The following FAM107A variants were observed in gnomAD, a reference collection of about 807,000 sequenced individuals.
FAM107A encodes actin-associated protein FAM107A.
FAM107A carries 19 observed loss-of-function variants against 13.7 expected under a neutral mutation model. The ratio of observed to expected loss-of-function variants is 1.38; its 90% CI spans 0.97 to 2.03. The LOEUF (loss-of-function observed/expected upper bound fraction) is 2.03. FAM107A is among the 30% of genes most tolerant of loss of function. The pLI is 0.00. For missense variants in FAM107A, 203 were observed against 184.4 expected (o/e 1.10, Z -0.58); for synonymous variants, 82 against 74.5 (o/e 1.10, Z -0.52).
At chr3:58,574,397 A>G (rs1038785577) in intron 1 of FAM107A, 3 of 152,176 alleles carry the variant, frequency 2.0e-5, no homozygotes, top group Non-Finnish European at 4.4e-5. Context: ...GAGTCAGCCA[A>G]CTTTGCAAAC....
chr3:58,568,147 G>C (rs934142524), intron 2 of FAM107A, among the ~76,000 whole-genome samples: 1 of 151,376 alleles, frequency 6.6e-6, no homozygotes, highest in African/African-American at 2.4e-5. Context: ...CATTGTAAGA[G>C]ATCTGGGCCA....
intron 1 of FAM107A, among the ~76,000 whole-genome samples, chr3:58,618,104 A>ATC (rs2065920533): frequency 6.6e-6 from 1 of 152,202 alleles, no homozygotes; most frequent in Non-Finnish European, 1.5e-5. Flanking sequence ...ATTCTTATTT[A>ATC]TCTTCAGGAA....
rs2063607675 is a variant in FAM107A, at chr3:58,565,201, T to G, written c.*1387A>C. ...ATGGGATAGGAGCAAAAGGTTAAAA[T>G]ATGTGGGTCTCACACAGGAAAGGCC... On this transcript the variant is annotated 3_prime_UTR_variant, in exon 4 of 4. Coordinates refer to ENST00000360997, the MANE Select transcript of FAM107A (RefSeq NM_001076778.3). 6.6e-6 allele frequency: 1 copy of G among 152,096 alleles called. No homozygotes were observed. Among genetic ancestry groups the G allele is most frequent in the South Asian group, 2.1e-4 (1 of 4,824 alleles). 9.4% of individuals were successfully genotyped at this position (152,096 alleles called of 1,614,324 possible).
chr3:58,626,981 T>C (rs763887740), intron 1 of FAM107A: 1 of 1,535,900 alleles, frequency 6.5e-7, no homozygotes, highest in Middle Eastern at 1.7e-4. Context: ...CTTCTTCCCC[T>C]GGGCTGCTCC....
At chr3:58,586,068 T>C (rs2065602543) in intron 1 of FAM107A, among the ~76,000 whole-genome samples, 1 of 152,224 alleles carries the variant, frequency 6.6e-6, no homozygotes, top group Non-Finnish European at 1.5e-5. Flanking sequence ...GTTGCTCTCC[T>C]AGATCTGCCT....
chr3:58,581,986 G>C (rs2065551177), upstream of FAM107A, among the ~76,000 whole-genome samples: 1 of 152,318 alleles, frequency 6.6e-6, no homozygotes, highest in Admixed American at 6.5e-5. Context: ...GAGGATGTGA[G>C]AGGGAGCATG....
chr3:58,569,939 G>A lies in FAM107A; in HGVS notation c.-5-74C>T. On this transcript the variant is annotated intron_variant, in intron 1 of 3. Coordinates refer to ENST00000360997, the MANE Select transcript of FAM107A (RefSeq NM_001076778.3). The surrounding 1 kb of genome is among the most constrained non-coding windows in gnomAD (Gnocchi z 5.7). The stretch of plus-strand genomic sequence containing the variant: ...CCCTGCCCCATGGGACACAGTTGAA[G>A]GGCAAGGTTTTCATGTCAGATGGAC... The A allele has an allele frequency of 6.8e-7, 1 of 1,468,186 alleles. No homozygotes were observed. Among genetic ancestry groups the A allele is most frequent in the Non-Finnish European group, 9.2e-7 (1 of 1,090,270 alleles). The allele number at this position is 1,468,186 out of a possible 1,614,324, so 90.9% of individuals were successfully genotyped here.
At chr3:58,620,773 C>G (rs927325756) in intron 1 of FAM107A, among the ~76,000 whole-genome samples, 2 of 152,214 alleles carry the variant, frequency 1.3e-5, no homozygotes, top group Admixed American at 6.5e-5. Flanking sequence ...CTGTTTGAAG[C>G]AGCCCTGGGC....
exon 1 of FAM107A, chr3:58,587,035 G>C: frequency 7.3e-7 from 1 of 1,373,222 alleles, no homozygotes; most frequent in Non-Finnish European, 9.4e-7. Flanking sequence ...CGGTGACGCG[G>C]CCCCAAGTCC....
At chr3:58,593,622 G>C (rs1157594128) in intron 1 of FAM107A, among the ~76,000 whole-genome samples, 2 of 150,884 alleles carry the variant, frequency 1.3e-5, no homozygotes, top group South Asian at 2.1e-4. Context: ...CCTTGCCCCT[G>C]TTCTCCAGTC....
At chr3:58,612,893 T>C (rs2065867264) in intron 1 of FAM107A, among the ~76,000 whole-genome samples, 1 of 142,994 alleles carries the variant, frequency 7.0e-6, no homozygotes, top group African/African-American at 2.5e-5. Context: ...TTTGGAGTCA[T>C]GTTTATTTTT....
intron 1 of FAM107A, among the ~76,000 whole-genome samples, chr3:58,599,603 G>A (rs1012918483): frequency 3.4e-5 from 5 of 146,750 alleles, no homozygotes; most frequent in Admixed American, 6.9e-5. Flanking sequence ...CCAGGGTGCT[G>A]TTGATGTTCT....
At chr3:58,597,520 A>G (rs1245029646) in intron 1 of FAM107A, among the ~76,000 whole-genome samples, 1 of 152,262 alleles carries the variant, frequency 6.6e-6, no homozygotes, top group Non-Finnish European at 1.5e-5. Context: ...TTACACCTCC[A>G]TTAGACTGTA....
intron 1 of FAM107A, among the ~76,000 whole-genome samples, chr3:58,593,860 T>G (rs536686783): frequency 1.3e-5 from 2 of 152,304 alleles, no homozygotes; most frequent in African/African-American, 4.8e-5. Flanking sequence ...GAGGAACTTC[T>G]TTACTTTCTG....
At chr3:58,578,615 A>T (rs868658746), upstream of FAM107A, among the ~76,000 whole-genome samples, 4 of 152,190 alleles carry the variant, frequency 2.6e-5, no homozygotes, top group South Asian at 6.2e-4. Flanking sequence ...AAAGTAAAAA[A>T]TGTATGTAGA....
chr3:58,597,860 C>A (rs965863059), intron 1 of FAM107A, among the ~76,000 whole-genome samples: 1 of 152,160 alleles, frequency 6.6e-6, no homozygotes, highest in East Asian at 1.9e-4. Flanking sequence ...TGGCAAGTGG[C>A]AGCTTTGTAA....
Position 58,577,325 on chromosome 3 carries a change from T to C in FAM107A, c.-22A>G, listed in dbSNP as rs2063738917. ...TGGTCTTACTTCTCAGGTCGAGTCC[T>C]TGGGAAGGGAAGTCAGGAGCGTGTT... is the stretch of plus-strand genomic sequence containing the variant. On this transcript the variant is annotated 5_prime_UTR_variant, in exon 1 of 4. Coordinates refer to ENST00000360997, the MANE Select transcript of FAM107A (RefSeq NM_001076778.3). This position sits in a 1 kb window ranked among gnomAD's most constrained non-coding sequence, Gnocchi z 4.9. 1.0e-6 allele frequency: 1 copy of C among 985,310 alleles called. No homozygotes were observed. Among genetic ancestry groups the C allele is most frequent in the Non-Finnish European group, 1.2e-6 (1 of 829,890 alleles). 61.0% of individuals were successfully genotyped at this position (985,310 alleles called of 1,614,324 possible).
chr3:58,599,597 G>A (rs2108070164), intron 1 of FAM107A, among the ~76,000 whole-genome samples: 1 of 151,534 alleles, frequency 6.6e-6, no homozygotes, highest in South Asian at 2.1e-4. Flanking sequence ...GGACTTCCAG[G>A]GTGCTGTTGA....
At chr3:58,608,808 C>G (rs2065824555) in intron 1 of FAM107A, 1 of 152,264 alleles carries the variant, frequency 6.6e-6, no homozygotes, top group African/African-American at 2.4e-5. Flanking sequence ...TTCCCCTGTT[C>G]TGGTGCCATA....
Sources: allele counts gnomAD v4.1 joint callset (sites outside exome capture counted in the v4.1 genomes callset), GRCh38; gene constraint gnomAD v4.1.1; non-coding constraint Gnocchi (gnomAD v3.1); transcripts MANE v1.5; gene names NCBI Gene and HGNC (gene_info 2026-07-23, HGNC 2026-07-21).